Variants in TNC observed in about 807,000 individuals in gnomAD.
The protein encoded by TNC is tenascin.
TNC carries 109 observed loss-of-function variants against 202.4 expected under a neutral mutation model. The ratio of observed to expected loss-of-function variants is 0.54; its 90% CI spans 0.46 to 0.63. TNC has a LOEUF of 0.63. TNC is among the 30% of genes least tolerant of loss of function. TNC has a pLI of 0.00. For missense variants in TNC, 2,756 were observed against 2,833.3 expected, an observed-to-expected ratio of 0.97 and a Z score of 0.62; for synonymous variants, 1,007 against 1,089.7, an observed-to-expected ratio of 0.92 and a Z score of 1.50.
At chr9:115,094,706 T>C (rs1835481793) in intron 1 of TNC, among the ~76,000 whole-genome samples, 1 of 152,126 alleles carries the variant, frequency 6.6e-6, no homozygotes. Context: ...GGCAGGTTTA[T>C]TTTGTAGTTG....
Position 115,059,909 on chromosome 9 carries a change from T to C in TNC, c.4127A>G (p.His1376Arg). The change falls in exon 14 of 28, where the codon CAC (histidine) becomes CGC (arginine). Residue 1376 changes from histidine (H) to arginine (R), a missense_variant. His to Arg is a conservative substitution (Grantham distance 29). Coordinates refer to ENST00000350763, the MANE Select transcript of TNC (RefSeq NM_002160.4). ...NWTAADNAYEHFVIQVQEVNK... is the reference protein window; with the variant it reads ...NWTAADNAYERFVIQVQEVNK... ...GACCTCCTGCACCTGAATGACAAAG[T>C]GCTCATAGGCATTGTCAGCTGCGGT... 6.2e-7 allele frequency: 1 copy of C among 1,614,130 alleles called. No homozygotes were observed. The highest frequency in any genetic ancestry group is 8.5e-7 in the Non-Finnish European group (1 of 1,180,018).
In TNC at chr9:115,057,425, G is replaced by T. The variant is rs1832217815; in HGVS notation, c.4307C>A (p.Ala1436Asp). ...TAAGTTTCCAATTTCAGGTTCTTTGGCTGTAAAAGGAAGGGGTAGGGGAGA... is the reference window on the plus strand; with the variant it reads ...TAAGTTTCCAATTTCAGGTTCTTTGTCTGTAAAAGGAAGGGGTAGGGGAGA... ...TPVLSAEASTAKEPEIGNLNV... is the reference protein window; with the variant it reads ...TPVLSAEASTDKEPEIGNLNV... The change falls in exon 15 of 28, where the codon GCC (alanine) becomes GAC (aspartate). Residue 1436 changes from alanine (A) to aspartate (D), a missense_variant and splice_region_variant. Around this residue, in one of 2 missense-constraint regions of TNC, gnomAD observed 2,559 missense variants for 2,546.0 expected, o/e 1.01. Transcript: ENST00000350763. 1 of 1,605,596 alleles carries T rather than the reference G, an allele frequency of 6.2e-7. No individual in the cohort carries two copies. Among genetic ancestry groups the T allele is most frequent in the Non-Finnish European group, 8.5e-7 (1 of 1,178,200 alleles).
intron 27 of TNC, among the ~76,000 whole-genome samples, chr9:115,022,742 T>C (rs921759698): frequency 1.3e-5 from 2 of 152,184 alleles, no homozygotes; most frequent in African/African-American, 2.4e-5. Context: ...TTGCCTCCTC[T>C]GTAAAACAGG....
Position 115,090,741 on chromosome 9 carries a change from T to A in TNC, c.278A>T (p.Asp93Val). Residue 93 changes from aspartate (D) to valine (V), a missense_variant, in exon 2 of 28, where the codon GAT becomes GTT. Coordinates refer to ENST00000350763, the MANE Select transcript of TNC (RefSeq NM_002160.4). The part of the protein sequence containing the change: ...PSESFQEHTV[D>V]GENQIVFTHR... ...TGTGAAGACAATCTGGTTTTCCCCA[T>A]CCACTGTGTGCTCCTGAAAGCTTTC... 4 of 1,614,202 alleles carry A rather than the reference T, an allele frequency of 2.5e-6. No individual in the cohort carries two copies. Among genetic ancestry groups the A allele is most frequent in the Non-Finnish European group, 3.4e-6 (4 of 1,180,032 alleles).
At chr9:115,054,510 A>T (rs934347913) in intron 15 of TNC, among the ~76,000 whole-genome samples, 3 of 152,210 alleles carry the variant, frequency 2.0e-5, no homozygotes, top group African/African-American at 7.2e-5. Flanking sequence ...GATTCTTCTC[A>T]TGCTACCAGA....
In TNC at chr9:115,046,647, C is replaced by G. The variant is rs1169460800; in HGVS notation, c.4888G>C (p.Asp1630His). Reference protein sequence around the residue: ...EPEVDNLLVSDATPDGFRLSW... With the variant: ...EPEVDNLLVSHATPDGFRLSW... The stretch of plus-strand genomic sequence containing the variant: ...AGACGGAAACCGTCTGGGGTGGCAT[C>G]TGAAACCAGAAGGTTGTCAACTTCC... The change falls in exon 17 of 28, where the codon GAT becomes CAT. Residue 1630 changes from aspartate (D) to histidine (H), a missense_variant. By Grantham distance (81) the Asp-to-His change is moderately conservative. Transcript: ENST00000350763. 6.2e-7 allele frequency: 1 copy of G among 1,613,500 alleles called. No individual in the cohort carries two copies. The highest frequency in any genetic ancestry group is 1.3e-5 in the African/African-American group (1 of 74,874).
At chr9:115,113,155 CA>C (rs1433115072) in intron 1 of TNC, among the ~76,000 whole-genome samples, 2 of 127,518 alleles carry the variant, frequency 1.6e-5, no homozygotes, top group East Asian at 4.1e-4. Context: ...ACACCAGGGC[CA>C]AAAAGACAAG....
At chr9:115,065,473 A>G (rs961498117) in intron 10 of TNC, among the ~76,000 whole-genome samples, 1 of 152,132 alleles carries the variant, frequency 6.6e-6, no homozygotes, top group Admixed American at 6.5e-5. Context: ...TTTCCTATTG[A>G]TCAGTGTCCT....
rs921079495 is a variant in TNC at position 115,021,012 on chromosome 9, T to C, written c.*145A>G. On this transcript the variant is annotated 3_prime_UTR_variant, in exon 28 of 28. Transcript: ENST00000350763. The stretch of plus-strand genomic sequence containing the variant: ...GGAGGTGAGGCCCATGCTGTTGCCG[T>C]TGGCCCCAGGGATCCATGGTCAGCT... 10 of 618,042 alleles carry C rather than the reference T, an allele frequency of 1.6e-5. No homozygotes were observed. Among genetic ancestry groups the C allele is most frequent in the African/African-American group, 3.7e-5 (2 of 54,220 alleles). 38.3% of individuals were successfully genotyped at this position (618,042 alleles called of 1,614,324 possible). A position where few individuals can be genotyped will look rare whatever the true frequency, so the allele number is the denominator to read the frequency against.
At chr9:115,035,398 G>A (rs1317029402) in intron 21 of TNC, 64 bp from the exon 22 acceptor site, 77 of 1,545,726 alleles carry the variant, frequency 5.0e-5, no homozygotes, top group Non-Finnish European at 2.8e-5. Flanking sequence ...AATTCGGGCT[G>A]GGTATCAAGA....
At chr9:115,115,355 G>A (rs376807607) in intron 1 of TNC, among the ~76,000 whole-genome samples, 2 of 152,170 alleles carry the variant, frequency 1.3e-5, no homozygotes, top group African/African-American at 2.4e-5. Context: ...GAAGGAACAC[G>A]GCAGAATGTA....
chr9:115,076,549 G>C lies in TNC; in HGVS notation c.2701C>G (p.Arg901Gly). The change falls in exon 8 of 28, where the codon CGT (arginine) becomes GGT (glycine). Residue 901 changes from arginine to glycine, a missense_variant. Transcript: ENST00000350763. ...ATGCTGTTATCTGTCTGGGAAACAC[G>C]TCGAAGATTCCTGGGAGCATCGAGG... Reference protein sequence around the residue: ...TGLDAPRNLRRVSQTDNSITL... With the variant: ...TGLDAPRNLRGVSQTDNSITL... The C allele has an allele frequency of 6.2e-7, 1 of 1,614,178 alleles. No homozygotes were observed. Among genetic ancestry groups the C allele is most frequent in the Non-Finnish European group, 8.5e-7 (1 of 1,180,038 alleles).
chr9:115,057,528 G>A, intron 14 of TNC, 103 bp from the exon 15 acceptor site: 1 of 1,216,014 alleles, frequency 8.2e-7, no homozygotes, highest in Non-Finnish European at 1.1e-6. Context: ...GCTGGGTAGA[G>A]AGATCTGATA....
At chr9:115,046,196 T>G (rs1831181536) in intron 17 of TNC, among the ~76,000 whole-genome samples, 1 of 152,240 alleles carries the variant, frequency 6.6e-6, no homozygotes, top group Non-Finnish European at 1.5e-5. Flanking sequence ...ATTATCTCAT[T>G]TAATCCTCAC....
Position 115,026,646 on chromosome 9 carries a change from C to T in TNC, c.6219G>A (p.Arg2073=), listed in dbSNP as rs759128721. Residue 2073 remains arginine, a synonymous_variant, in exon 26 of 28, where the codon CGG becomes CGA. Transcript: ENST00000350763. ...TCTCCCCATGGTCCCGCAGGTCCAC[C>T]CGGAGCTCGTACTGCCCCTGGGCTG... The part of the protein sequence containing the change: ...KITAQGQYEL[R]VDLRDHGETA... The T allele has an allele frequency of 1.2e-6, 2 of 1,613,964 alleles. No individual in the cohort carries two copies. The highest frequency in any genetic ancestry group is 1.7e-5 in the Admixed American group (1 of 60,008).
At chr9:115,116,437 C>T (rs546461928) in intron 1 of TNC, among the ~76,000 whole-genome samples, 5 of 152,310 alleles carry the variant, frequency 3.3e-5, no homozygotes, top group African/African-American at 1.2e-4. Context: ...AAGCCAGAAA[C>T]TCTTCACTTG....
intron 10 of TNC, among the ~76,000 whole-genome samples, chr9:115,066,268 A>G (rs934282777): frequency 4.6e-5 from 7 of 152,204 alleles, no homozygotes; most frequent in Non-Finnish European, 8.8e-5. Context: ...CCCAGGGCTG[A>G]GCTTAAGTGG....
At chr9:115,082,904 C>G in intron 4 of TNC, 97 bp from the exon 5 acceptor site, 1 of 791,998 alleles carries the variant, frequency 1.3e-6, no homozygotes, top group Non-Finnish European at 2.2e-6. Flanking sequence ...ATGTCTGCAA[C>G]AGTCAGGGGC....
intron 2 of TNC, 142 bp downstream of exon 2, chr9:115,090,420 A>T: frequency 1.6e-6 from 1 of 645,078 alleles, no homozygotes; most frequent in East Asian, 2.6e-5. Flanking sequence ...CACTTATTTG[A>T]ACATAAAATC....
Sources: gnomAD v4.1 joint callset for allele counts (sites outside exome capture counted in the v4.1 genomes callset) on GRCh38, gnomAD v4.1.1 for gene constraint, gnomAD v4.1.1 regional missense constraint, MANE v1.5 for transcripts, NCBI Gene and HGNC (gene_info 2026-07-23, HGNC 2026-07-21) for gene names.